The following DST variants were observed in gnomAD, a reference collection of about 807,000 sequenced individuals.
The protein encoded by DST is dystonin.
Under a neutral mutation model 875.2 loss-of-function variants are expected in DST, and 253 were observed. The observed-to-expected ratio is 0.29, with a 90% CI of 0.26 to 0.32. DST has a LOEUF of 0.32. Ranked by LOEUF, DST falls within the 10% of genes least tolerant of loss-of-function variation. The pLI, the probability that DST is intolerant of heterozygous loss-of-function variation, is 1.00. For synonymous variants in DST, 3,124 were observed against 3,197.1 expected, an observed-to-expected ratio of 0.98 and a Z score of 0.77; for missense variants, 8,287 against 9,111.6, an observed-to-expected ratio of 0.91 and a Z score of 3.68.
chr6:56,483,268 A>C (rs1380869310), intron 88 of DST, among the ~76,000 whole-genome samples: 1 of 152,172 alleles, frequency 6.6e-6, no homozygotes, highest in Non-Finnish European at 1.5e-5. Flanking sequence ...CACTAGTGTG[A>C]ATGTCAAGTG....
intron 58 of DST, among the ~76,000 whole-genome samples, 191 bp downstream of exon 58, chr6:56,560,103 A>C (rs1285282442): frequency 1.3e-5 from 2 of 152,146 alleles, no homozygotes; most frequent in Non-Finnish European, 2.9e-5. Flanking sequence ...TTTACCATAA[A>C]AAACATAAGA....
At position 56,634,544 on chromosome 6, in the gene DST, G is replaced by C; in HGVS notation, c.3412C>G (p.Pro1138Ala). 6.2e-7 allele frequency: 1 copy of C among 1,614,138 alleles called. No homozygotes were observed. The highest frequency in any genetic ancestry group is 8.5e-7 in the Non-Finnish European group (1 of 1,180,008). The change falls in exon 26 of 104, where the codon CCT becomes GCT. Residue 1138 changes from proline (P) to alanine (A), a missense_variant. Transcript: ENST00000680361. ...GGGACCATAGCCTCATTCCCAGTAG[G>C]ACTAATGACCTTCCATTTAGCACGA... is the stretch of plus-strand genomic sequence containing the variant. ...SHRAKWKVIS[P>A]TGNEAMVPSV...
intron 36 of DST, chr6:56,616,084 A>G (rs1482289000): frequency 1.9e-6 from 3 of 1,614,194 alleles, no homozygotes; most frequent in Middle Eastern, 1.6e-4. Context: ...CTTTTAGTAC[A>G]GAGATCCTTT....
chr6:56,691,015 A>G (rs962650563), intron 9 of DST, among the ~76,000 whole-genome samples: 3 of 152,158 alleles, frequency 2.0e-5, no homozygotes, highest in African/African-American at 7.2e-5. Context: ...CTTTATATAC[A>G]TTGCATTACA....
chr6:56,560,556 G>A (rs2097522703), intron 57 of DST, 133 bp from the exon 58 acceptor site: 2 of 949,954 alleles, frequency 2.1e-6, no homozygotes, highest in African/African-American at 3.3e-5. Flanking sequence ...GTGGGTGAGG[G>A]CCTGGATTTT....
chr6:56,505,787 A>G (rs912252755), intron 77 of DST, among the ~76,000 whole-genome samples: 1 of 152,118 alleles, frequency 6.6e-6, no homozygotes, highest in Non-Finnish European at 1.5e-5. Flanking sequence ...GGAGGTAGGG[A>G]GAGAAATATA....
intron 41 of DST, 23 bp downstream of exon 41, chr6:56,603,541 A>G (rs1384292657): frequency 6.3e-7 from 1 of 1,598,034 alleles, no homozygotes; most frequent in Non-Finnish European, 8.5e-7. Context: ...ACCATCCATA[A>G]AGAGGCAGTA....
chr6:56,594,050 C>G lies in DST; in HGVS notation c.12339G>C (p.Val4113=). The G allele has an allele frequency of 6.2e-7, 1 of 1,613,656 alleles. No individual in the cohort carries two copies. The highest frequency in any genetic ancestry group is 2.2e-5 in the East Asian group (1 of 44,868). ...KLQKNMKELK[V]HYETALAESE... ...ACTCAGCCAGTGCAGTTTCATAATG[C>G]ACTTTCAGTTCCTTCATGTTCTTTT... The change falls in exon 48 of 104, where the codon GTG becomes GTC. Residue 4113 remains valine (V), a synonymous_variant. Coordinates refer to ENST00000680361, the MANE Select transcript of DST (RefSeq NM_001374736.1).
chr6:56,554,368 G>A (rs1024446568), intron 60 of DST, among the ~76,000 whole-genome samples: 1 of 152,198 alleles, frequency 6.6e-6, no homozygotes, highest in East Asian at 1.9e-4. Context: ...ACAGGTGTGA[G>A]CCACCGCTCC....
intron 53 of DST, among the ~76,000 whole-genome samples, chr6:56,571,195 G>A (rs2097775822): frequency 2.0e-5 from 3 of 152,330 alleles, no homozygotes; most frequent in South Asian, 4.1e-4. Flanking sequence ...TGGATGACAC[G>A]TACATATATG....
intron 3 of DST, among the ~76,000 whole-genome samples, chr6:56,854,866 T>C (rs1767056265): frequency 6.6e-6 from 1 of 152,164 alleles, no homozygotes; most frequent in Admixed American, 6.5e-5. Flanking sequence ...CATGCAAACT[T>C]TGCATATCAT....
At chr6:56,832,496 C>T (rs981536886) in intron 4 of DST, among the ~76,000 whole-genome samples, 1 of 152,088 alleles carries the variant, frequency 6.6e-6, no homozygotes, top group Admixed American at 6.6e-5. Context: ...GCTTCCCCAG[C>T]CATGTGGAAC....
chr6:56,765,638 C>T (rs1386274298), intron 4 of DST, among the ~76,000 whole-genome samples: 1 of 152,134 alleles, frequency 6.6e-6, no homozygotes. Context: ...GCTTAGAGAA[C>T]AGAGATGTTA....
chr6:56,901,351 T>G (rs1311851973), intron 2 of DST, among the ~76,000 whole-genome samples: 1 of 152,216 alleles, frequency 6.6e-6, no homozygotes, highest in Non-Finnish European at 1.5e-5. Flanking sequence ...ATCCCAGCAC[T>G]TTGGGAGGCC....
At chr6:56,855,845 T>C (rs773661592) in intron 3 of DST, among the ~76,000 whole-genome samples, 29 of 151,714 alleles carry the variant, frequency 1.9e-4, no homozygotes, top group Admixed American at 9.2e-4. Flanking sequence ...TAATGTGCAC[T>C]TCCTTGGAAT....
At chr6:56,556,701 A>G (rs575379935) in intron 59 of DST, among the ~76,000 whole-genome samples, 10 of 152,310 alleles carry the variant, frequency 6.6e-5, no homozygotes, top group African/African-American at 1.7e-4. Context: ...AGCTTCTGCT[A>G]TTATGCCTGA....
chr6:56,751,349 G>GC (rs1200565865), intron 4 of DST, among the ~76,000 whole-genome samples: 104 of 152,236 alleles, frequency 6.8e-4, no homozygotes, highest in Admixed American at 6.8e-3. Flanking sequence ...AAGGGGATAT[G>GC]CCAATATAAC....
At chr6:56,527,769 G>C in intron 67 of DST, 35 bp from the exon 68 acceptor site, 1 of 1,546,676 alleles carries the variant, frequency 6.5e-7, no homozygotes, top group Middle Eastern at 1.8e-4. Flanking sequence ...TCTTATGAAG[G>C]AAAAAAAAGG....
chr6:56,673,822 C>CAG (rs2099114916), intron 9 of DST, among the ~76,000 whole-genome samples: 1 of 152,100 alleles, frequency 6.6e-6, no homozygotes, highest in African/African-American at 2.4e-5. Flanking sequence ...TTCCAGACTC[C>CAG]ACTAGGCCCA....
Sources: gnomAD v4.1 joint callset for allele counts (sites outside exome capture counted in the v4.1 genomes callset) on GRCh38, gnomAD v4.1.1 for gene constraint, MANE v1.5 for transcripts, NCBI Gene and HGNC (gene_info 2026-07-23, HGNC 2026-07-21) for gene names.